The following PLB1 variants were observed in gnomAD, a reference collection of about 807,000 sequenced individuals.
PLB1 encodes the protein phospholipase B1.
PLB1 carries 242 observed loss-of-function variants against 227.4 expected under a neutral mutation model. That is an observed-to-expected ratio of 1.06 (90% CI 0.96 to 1.18). The LOEUF is 1.18. Ranked by LOEUF, PLB1 falls within the 50% of genes most tolerant of loss-of-function variation. PLB1 has a pLI of 0.00. For synonymous variants in PLB1, 757 were observed against 682.2 expected (o/e 1.11, Z -1.71); for missense variants, 1,858 against 1,816.3 (o/e 1.02, Z -0.42).
At chr2:28,534,824 A>C (rs1325012665) in intron 9 of PLB1, among the ~76,000 whole-genome samples, 1 of 152,108 alleles carries the variant, frequency 6.6e-6, no homozygotes, top group African/African-American at 2.4e-5. Flanking sequence ...ACTGCACTCC[A>C]GCCTGGGTGA....
At chr2:28,514,238 A>T (rs943172168) in intron 1 of PLB1, among the ~76,000 whole-genome samples, 1 of 152,158 alleles carries the variant, frequency 6.6e-6, no homozygotes, top group Non-Finnish European at 1.5e-5. Flanking sequence ...TTAGTCAAAG[A>T]TCTGTTGACT....
intron 56 of PLB1, among the ~76,000 whole-genome samples, chr2:28,633,752 G>A (rs1688973161): frequency 6.6e-6 from 1 of 152,198 alleles, no homozygotes; most frequent in African/African-American, 2.4e-5. Flanking sequence ...CACTTGACCT[G>A]TCACCCCCAA....
intron 15 of PLB1, among the ~76,000 whole-genome samples, chr2:28,549,563 G>C (rs1473168992): frequency 6.6e-6 from 1 of 151,876 alleles, no homozygotes; most frequent in East Asian, 1.9e-4. Flanking sequence ...CTACAGGCAC[G>C]TGCCACCACA....
intron 38 of PLB1, 99 bp from the exon 39 acceptor site, chr2:28,602,722 C>A: frequency 9.4e-7 from 1 of 1,069,290 alleles, no homozygotes; most frequent in Non-Finnish European, 1.4e-6. Flanking sequence ...TCCAGAAAGA[C>A]CAAGCTGGAT....
At chr2:28,632,569 A>C (rs1688778434) in intron 55 of PLB1, among the ~76,000 whole-genome samples, 1 of 152,050 alleles carries the variant, frequency 6.6e-6, no homozygotes, top group South Asian at 2.1e-4. Context: ...CGGTTGAATC[A>C]CGAGGTTAGG....
intron 13 of PLB1, among the ~76,000 whole-genome samples, chr2:28,542,279 AC>A (rs1328756820): frequency 1.3e-5 from 2 of 152,160 alleles, no homozygotes; most frequent in South Asian, 2.1e-4. Context: ...TAGGGGAAAT[AC>A]CCCCATATTA....
At chr2:28,538,717 C>G (rs183572889) in intron 10 of PLB1, among the ~76,000 whole-genome samples, 1 of 152,114 alleles carries the variant, frequency 6.6e-6, no homozygotes, top group African/African-American at 2.4e-5. Context: ...GCTCAGTGAC[C>G]GTGATGCTGC....
At chr2:28,611,598 C>T (rs1228672016) in intron 43 of PLB1, among the ~76,000 whole-genome samples, 1 of 152,198 alleles carries the variant, frequency 6.6e-6, no homozygotes. Context: ...TCTCTCTCTC[C>T]TCCTCTCATC....
chr2:28,610,736 C>A (rs1359195097), intron 43 of PLB1, among the ~76,000 whole-genome samples: 1 of 152,140 alleles, frequency 6.6e-6, no homozygotes, highest in African/African-American at 2.4e-5. Flanking sequence ...GTAAAGCAGC[C>A]AGGATGTTGA....
chr2:28,525,210 T>A, intron 4 of PLB1, 57 bp from the exon 5 acceptor site: 1 of 1,554,472 alleles, frequency 6.4e-7, no homozygotes, highest in Non-Finnish European at 8.8e-7. Context: ...GCGGTCTAAC[T>A]AGAAGAGGCT....
rs1315072828 is a variant in PLB1, at chr2:28,579,976, C to CA, written c.1566+270dup. On this transcript the variant is annotated intron_variant, in intron 23 of 57. Transcript: ENST00000327757. ...CATATCATTCTAGAAAGCAAGATAA[C>CA]ACCCAATGACTAGAAAAATCTTTCC... 5.3e-5 allele frequency among the ~76,000 whole-genome samples: 8 copies of CA among 152,350 alleles called. No individual in the cohort carries two copies. In the East Asian group the frequency reaches 1.5e-3, roughly 29 times the overall value.
intron 49 of PLB1, 86 bp downstream of exon 49, chr2:28,621,064 A>G: frequency 8.7e-7 from 1 of 1,148,268 alleles, no homozygotes; most frequent in Non-Finnish European, 1.3e-6. Flanking sequence ...GGTGGTGTCC[A>G]GAAGCCTGGT....
chr2:28,619,187 C>A (rs932759900), intron 46 of PLB1, among the ~76,000 whole-genome samples: 11 of 152,178 alleles, frequency 7.2e-5, no homozygotes, highest in African/African-American at 2.7e-4. Context: ...CTGATCCTCT[C>A]CCTCCTCACA....
At chr2:28,569,162 C>T (rs1421449165) in intron 20 of PLB1, among the ~76,000 whole-genome samples, 2 of 152,188 alleles carry the variant, frequency 1.3e-5, no homozygotes, top group Non-Finnish European at 2.9e-5. Flanking sequence ...CTGGCTGCTA[C>T]CCGGCCAGTT....
chr2:28,638,827 G>GAAAAAA (rs35972276), intron 56 of PLB1, among the ~76,000 whole-genome samples: 1 of 63,606 alleles, frequency 1.6e-5, no homozygotes, highest in African/African-American at 6.4e-5. Flanking sequence ...GCTGGAGATT[G>GAAAAAA]AAAAAAAAAA....
chr2:28,586,232 C>G (rs777768653), intron 26 of PLB1, among the ~76,000 whole-genome samples: 5 of 152,200 alleles, frequency 3.3e-5, no homozygotes, highest in Non-Finnish European at 7.3e-5. Flanking sequence ...CTTCCAGCTC[C>G]TGGGTGGGAA....
intron 9 of PLB1, among the ~76,000 whole-genome samples, chr2:28,537,856 A>G (rs1671909657): frequency 6.6e-6 from 1 of 152,040 alleles, no homozygotes; most frequent in Non-Finnish European, 1.5e-5. Flanking sequence ...AGCAAGAGAA[A>G]AGCTAATAAA....
At chr2:28,621,721 G>C (rs531814009) in intron 49 of PLB1, among the ~76,000 whole-genome samples, 2 of 152,130 alleles carry the variant, frequency 1.3e-5, no homozygotes, top group African/African-American at 4.8e-5. Flanking sequence ...TGGTAACGTG[G>C]GCCCCATGCT....
In PLB1 at chr2:28,630,594, G is replaced by A. The variant is rs1688478355; in HGVS notation, c.3827G>A (p.Cys1276Tyr). The change falls in exon 54 of 58, where the codon TGC (cysteine) becomes TAC (tyrosine). Residue 1276 changes from cysteine to tyrosine, a missense_variant. Coordinates refer to ENST00000327757, the MANE Select transcript of PLB1 (RefSeq NM_153021.5). ...CACTCCCTGTCTCACAGGAACAACT[G>A]CACTTGCCTCAGACACTCGCAAAGC... ...KCAMLAAQNN[C>Y]TCLRHSQSSL... 1 of 1,613,508 alleles carries A rather than the reference G, an allele frequency of 6.2e-7. No individual in the cohort carries two copies. The highest frequency in any genetic ancestry group is 1.3e-5 in the African/African-American group (1 of 74,882).
Sources: allele counts gnomAD v4.1 joint callset (sites outside exome capture counted in the v4.1 genomes callset), GRCh38; gene constraint gnomAD v4.1.1; transcripts MANE v1.5; gene names NCBI Gene and HGNC (gene_info 2026-07-23, HGNC 2026-07-21).